The following COL13A1 variants were observed in gnomAD, a reference collection of about 807,000 sequenced individuals.
COL13A1 encodes the protein collagen alpha-1(XIII) chain.
A neutral mutation model predicts 130.9 loss-of-function variants in COL13A1; 89 were observed. That is an observed-to-expected ratio of 0.68 (90% confidence interval 0.57 to 0.81). COL13A1 has a LOEUF of 0.81. Ranked by LOEUF, COL13A1 falls within the 30% of genes least tolerant of loss-of-function variation. The pLI is 0.00. For missense variants in COL13A1, 879 were observed against 934.6 expected, an observed-to-expected ratio of 0.94 and a Z score of 0.78; for synonymous variants, 402 against 341.6, an observed-to-expected ratio of 1.18 and a Z score of -1.95.
At chr10:69,926,941 G>A in intron 26 of COL13A1, 146 bp from the exon 27 acceptor site, 1 of 1,016,502 alleles carries the variant, frequency 9.8e-7, no homozygotes, top group Non-Finnish European at 1.5e-6. Flanking sequence ...TGAGTCTGGG[G>A]GCCATGGAGC....
At chr10:69,836,685 C>G (rs1396596930) in intron 2 of COL13A1, among the ~76,000 whole-genome samples, 1 of 152,182 alleles carries the variant, frequency 6.6e-6, no homozygotes, top group Non-Finnish European at 1.5e-5. Flanking sequence ...CTGACAAGAG[C>G]TGGAGATGGG....
Position 69,829,247 on chromosome 10 carries a change from T to C in COL13A1, c.364+6809T>C, listed in dbSNP as rs971763660. 6.1e-6 allele frequency: 6 copies of C among 985,334 alleles called. No individual in the cohort carries two copies. In the African/African-American group the frequency reaches 1.0e-4, roughly 17 times the overall value. The allele number at this position is 985,334 out of a possible 1,614,324, so 61.0% of individuals were successfully genotyped here. A position where few individuals can be genotyped will look rare whatever the true frequency, so the allele number is the denominator to read the frequency against. ...CACCCTTGTTCAGGGTGCTGCCACC[T>C]GACCTCCTCCAAACCCTTCTTTACA... On this transcript the variant is annotated intron_variant, in intron 2 of 40. Coordinates refer to ENST00000645393, the MANE Select transcript of COL13A1 (RefSeq NM_001368882.1).
intron 7 of COL13A1, among the ~76,000 whole-genome samples, chr10:69,886,034 G>A (rs539327028): frequency 2.5e-4 from 38 of 152,300 alleles, no homozygotes; most frequent in African/African-American, 8.7e-4. Context: ...CGTGGCTTCA[G>A]GGAGGACCCT....
chr10:69,849,876 C>G (rs10999000), intron 2 of COL13A1, among the ~76,000 whole-genome samples: 85,346 of 152,228 alleles, frequency 0.56, 26,267 homozygotes, highest in East Asian at 0.9. Flanking sequence ...GGGGCTGAAA[C>G]TGGGCCCCAC....
Position 69,902,847 on chromosome 10 carries a change from G to T in COL13A1, c.850G>T (p.Gly284Trp). ...GCACCCAGGACTGCCAGGGCCTATG[G>T]GGCCACCTGTAAGTATTCCCTTCCT... ...LGHPGLPGPMGPPGLPGPPGP... is the reference protein window; with the variant it reads ...LGHPGLPGPMWPPGLPGPPGP... The change falls in exon 15 of 41, where the codon GGG (glycine) becomes TGG (tryptophan). Residue 284 changes from glycine to tryptophan, a missense_variant. This residue lies in a region of COL13A1 where 715 missense variants were observed against 721.0 expected (regional missense o/e 0.99). Coordinates refer to ENST00000645393, the MANE Select transcript of COL13A1 (RefSeq NM_001368882.1). The T allele has an allele frequency of 1.3e-6, 2 of 1,533,670 alleles. No homozygotes were observed. Among genetic ancestry groups the T allele is most frequent in the Non-Finnish European group, 1.8e-6 (2 of 1,137,152 alleles).
intron 28 of COL13A1, 141 bp from the exon 29 acceptor site, chr10:69,929,902 C>A: frequency 1.4e-6 from 1 of 713,704 alleles, no homozygotes; most frequent in Non-Finnish European, 2.5e-6. Flanking sequence ...AAATTCATAC[C>A]TCCCAGCAAC....
intron 24 of COL13A1, among the ~76,000 whole-genome samples, chr10:69,924,389 C>T (rs949690753): frequency 2.0e-5 from 3 of 152,020 alleles, no homozygotes; most frequent in African/African-American, 7.2e-5. Flanking sequence ...TTCATTTATT[C>T]TCCATGGCTC....
At chr10:69,881,769 C>T (rs938994037) in intron 7 of COL13A1, among the ~76,000 whole-genome samples, 1 of 152,176 alleles carries the variant, frequency 6.6e-6, no homozygotes. Flanking sequence ...GACTTTTACA[C>T]GTATTCACTC....
chr10:69,919,729 T>C lies in COL13A1; in HGVS notation c.1089+2T>C. ...TTGCTGGGAAAGAGGGGGCAGAGGG[T>C]AGGATATCGTGTATTTGAGTGTGTG... is the stretch of plus-strand genomic sequence containing the variant. On this transcript the variant is annotated splice_donor_variant, in intron 21 of 40. Coordinates refer to ENST00000645393, the MANE Select transcript of COL13A1 (RefSeq NM_001368882.1). LOFTEE classifies it high-confidence loss of function. The C allele has an allele frequency of 5.0e-6, 2 of 398,750 alleles. No individual in the cohort carries two copies. Among genetic ancestry groups the C allele is most frequent in the East Asian group, 7.1e-5 (2 of 28,070 alleles). The allele number at this position is 398,750 out of a possible 1,614,324, so 24.7% of individuals were successfully genotyped here.
Position 69,930,434 on chromosome 10 carries a change from C to G in COL13A1, c.1565C>G (p.Pro522Arg). The stretch of plus-strand genomic sequence containing the variant: ...GGTAAACCAGGAGACATGGGCCCTC[C>G]TGGTCCCCAAGGCCCCCCAGGAAAG... Reference protein sequence around the residue: ...PRGKPGDMGPPGPQGPPGKDG... With the variant: ...PRGKPGDMGPRGPQGPPGKDG... Residue 522 changes from proline (P) to arginine (R), a missense_variant, in exon 30 of 41, where the codon CCT (proline) becomes CGT (arginine). Pro to Arg is a moderately radical substitution (Grantham distance 103). Transcript: ENST00000645393. 6.2e-7 allele frequency: 1 copy of G among 1,613,436 alleles called. No homozygotes were observed. Among genetic ancestry groups the G allele is most frequent in the Non-Finnish European group, 8.5e-7 (1 of 1,179,638 alleles).
chr10:69,878,903 C>T (rs945525029), intron 6 of COL13A1, among the ~76,000 whole-genome samples: 5 of 152,380 alleles, frequency 3.3e-5, no homozygotes, highest in South Asian at 2.1e-4. Flanking sequence ...CAAGCCAGAC[C>T]TCCCGGTGCC....
chr10:69,835,595 T>C (rs1849835342), intron 2 of COL13A1, among the ~76,000 whole-genome samples: 1 of 152,202 alleles, frequency 6.6e-6, no homozygotes, highest in Admixed American at 6.5e-5. Flanking sequence ...CGACTCACAC[T>C]GCCCTATTCT....
intron 2 of COL13A1, among the ~76,000 whole-genome samples, chr10:69,860,082 G>A (rs910262885): frequency 6.6e-6 from 1 of 152,182 alleles, no homozygotes; most frequent in Non-Finnish European, 1.5e-5. Context: ...AGAGTCAGGG[G>A]GTCTGTACCT....
intron 2 of COL13A1, among the ~76,000 whole-genome samples, chr10:69,824,393 G>T (rs12777790): frequency 6.6e-6 from 1 of 152,236 alleles, no homozygotes; most frequent in African/African-American, 2.4e-5. Context: ...CACATCAGTT[G>T]TCTGATGGCC....
At chr10:69,863,633 G>T (rs2133885711) in intron 2 of COL13A1, among the ~76,000 whole-genome samples, 1 of 152,260 alleles carries the variant, frequency 6.6e-6, no homozygotes, top group East Asian at 1.9e-4. Context: ...AGGGGGAGGG[G>T]ACTTACCTGA....
intron 14 of COL13A1, among the ~76,000 whole-genome samples, chr10:69,899,845 G>A (rs1047834973): frequency 9.8e-5 from 15 of 152,296 alleles, no homozygotes; most frequent in African/African-American, 3.4e-4. Context: ...GCAGGGCTCT[G>A]AGCTGCTTTC....
chr10:69,862,738 G>C (rs1858514993), intron 2 of COL13A1, among the ~76,000 whole-genome samples: 1 of 152,170 alleles, frequency 6.6e-6, no homozygotes, highest in Non-Finnish European at 1.5e-5. Context: ...CCAAGTACCA[G>C]CCCAGTGATG....
intron 4 of COL13A1, among the ~76,000 whole-genome samples, chr10:69,873,321 G>A (rs2059257972): frequency 6.6e-6 from 1 of 152,174 alleles, no homozygotes; most frequent in African/African-American, 2.4e-5. Context: ...TGAAATGCAT[G>A]TGGGGGAATG....
At chr10:69,862,166 G>T (rs1564875029) in intron 2 of COL13A1, among the ~76,000 whole-genome samples, 1 of 152,178 alleles carries the variant, frequency 6.6e-6, no homozygotes, top group Non-Finnish European at 1.5e-5. Context: ...GAAATGTAAA[G>T]CTTCTCAAAG....
Sources: allele counts gnomAD v4.1 joint callset (sites outside exome capture counted in the v4.1 genomes callset), GRCh38; gene constraint gnomAD v4.1.1; regional missense constraint gnomAD v4.1.1; transcripts MANE v1.5; gene names NCBI Gene and HGNC (gene_info 2026-07-23, HGNC 2026-07-21).